CSMD1: variants seen among roughly 807,000 people sequenced by gnomAD.
CSMD1 encodes the protein CUB and Sushi multiple domains 1, also known as CUB and sushi domain-containing protein 1.
A neutral mutation model predicts 417.5 loss-of-function variants in CSMD1; 213 were observed. The observed-to-expected ratio is 0.51, with a 90% CI of 0.46 to 0.57. The LOEUF (loss-of-function observed/expected upper bound fraction) is 0.57, where lower values mean the gene tolerates loss of function less well. Among genes scored for constraint, CSMD1 ranks in the 20% least tolerant of loss-of-function variants. CSMD1 has a pLI of 0.00. For missense variants in CSMD1, 6,923 were observed against 4,529.7 expected (o/e 1.53, Z -15.17); for synonymous variants, 2,862 against 1,736.8 (o/e 1.65, Z -16.11).
intron 3 of CSMD1, among the ~76,000 whole-genome samples, chr8:4,312,994 G>A (rs746797403): frequency 2.0e-5 from 3 of 152,166 alleles, no homozygotes; most frequent in Non-Finnish European, 2.9e-5. Flanking sequence ...GCGGGGAAAT[G>A]AAGATGGGGA....
rs1023276073 is a variant in CSMD1 at position 4,080,870 on chromosome 8, C to G, written c.416-48771G>C. 5.3e-5 allele frequency among the ~76,000 whole-genome samples: 8 copies of G among 152,308 alleles called. No individual in the cohort carries two copies. In the South Asian group the frequency reaches 1.0e-3, roughly 20 times the overall value. ...ATTTCATGTTTGTTTACTTCCAAAACTCTTATTTAGACTTAGACCCAAGGT... is the reference window on the plus strand; with the variant it reads ...ATTTCATGTTTGTTTACTTCCAAAAGTCTTATTTAGACTTAGACCCAAGGT... On this transcript the variant is annotated intron_variant, in intron 3 of 69. Coordinates refer to ENST00000635120, the MANE Select transcript of CSMD1 (RefSeq NM_033225.6).
Position 3,661,249 on chromosome 8 carries a change from G to C in CSMD1, c.1010-44452C>G, listed in dbSNP as rs913926696. On this transcript the variant is annotated intron_variant, in intron 7 of 69. Transcript: ENST00000635120. ...GCATCTGTAACAAGAGCTCAGCCTT[G>C]GCCAGTCCCAGCAGCCATACTTCAA... 3.9e-5 allele frequency among the ~76,000 whole-genome samples: 6 copies of C among 152,226 alleles called. No individual in the cohort carries two copies. In the South Asian group the frequency reaches 1.0e-3, roughly 26 times the overall value.
At chr8:3,489,281 C>G (rs1001484109) in intron 11 of CSMD1, among the ~76,000 whole-genome samples, 8 of 152,282 alleles carry the variant, frequency 5.3e-5, no homozygotes, top group Admixed American at 2.0e-4. Flanking sequence ...ATTTGTTAAT[C>G]CACACATCTG....
At chr8:3,527,798 A>G (rs1797816591) in intron 10 of CSMD1, among the ~76,000 whole-genome samples, 1 of 152,216 alleles carries the variant, frequency 6.6e-6, no homozygotes, top group South Asian at 2.1e-4. Context: ...ATTTCAAAAT[A>G]AAGTTACAAA....
rs1331615629 is a variant in CSMD1 at position 4,312,699 on chromosome 8, A to C, written c.415+107254T>G. On this transcript the variant is annotated intron_variant, in intron 3 of 69. Transcript: ENST00000635120. ...TGAGACCAGCCTGGCCAACCTGACG[A>C]AACCCCATTTCTACTAACGAAAAAA... 4.1e-4 allele frequency among the ~76,000 whole-genome samples: 62 copies of C among 152,112 alleles called. 1 individual carries two copies. Among genetic ancestry groups the C allele is most frequent in the Non-Finnish European group, 1.2e-4 (8 of 68,016 alleles).
intron 10 of CSMD1, among the ~76,000 whole-genome samples, chr8:3,500,890 G>C (rs1012281362): frequency 2.0e-5 from 3 of 152,230 alleles, no homozygotes; most frequent in South Asian, 2.1e-4. Flanking sequence ...TGGATGAAGA[G>C]AAGTAAGAAT....
chr8:3,483,363 T>C (rs1052588260), intron 11 of CSMD1, among the ~76,000 whole-genome samples: 37 of 152,074 alleles, frequency 2.4e-4, no homozygotes, highest in African/African-American at 8.9e-4. Context: ...TAACTGTAAA[T>C]TCATAAATTC....
At chr8:3,404,573 C>A (rs1812235134) in intron 15 of CSMD1, among the ~76,000 whole-genome samples, 1 of 152,074 alleles carries the variant, frequency 6.6e-6, no homozygotes, top group African/African-American at 2.4e-5. Flanking sequence ...AAATTCTCAA[C>A]TGTTTATGAT....
At chr8:2,945,829 G>C (rs1361585699) in intron 68 of CSMD1, among the ~76,000 whole-genome samples, 1 of 152,182 alleles carries the variant, frequency 6.6e-6, no homozygotes, top group Non-Finnish European at 1.5e-5. Flanking sequence ...AAATCAAACA[G>C]TGTTTAGGTA....
chr8:3,676,216 A>T (rs896612715), intron 7 of CSMD1, among the ~76,000 whole-genome samples: 1 of 152,186 alleles, frequency 6.6e-6, no homozygotes, highest in African/African-American at 2.4e-5. Flanking sequence ...TTATGTGTTG[A>T]AGTAAATACT....
At chr8:4,272,715 G>C (rs1804683344) in intron 3 of CSMD1, among the ~76,000 whole-genome samples, 1 of 152,052 alleles carries the variant, frequency 6.6e-6, no homozygotes, top group Admixed American at 6.6e-5. Context: ...TTTTCATTCT[G>C]TAATTCTTGA....
chr8:4,287,572 G>A (rs1797128572), intron 3 of CSMD1, among the ~76,000 whole-genome samples: 1 of 151,970 alleles, frequency 6.6e-6, no homozygotes, highest in Non-Finnish European at 1.5e-5. Flanking sequence ...ACTAATGTCT[G>A]CAAGCTTTTA....
intron 2 of CSMD1, among the ~76,000 whole-genome samples, chr8:4,602,176 C>T (rs1449308535): frequency 1.3e-5 from 2 of 152,130 alleles, no homozygotes; most frequent in East Asian, 3.9e-4. Flanking sequence ...AAAATTAATT[C>T]CCTTATTTCA....
At chr8:4,501,954 G>A (rs1802281001) in intron 2 of CSMD1, among the ~76,000 whole-genome samples, 1 of 152,146 alleles carries the variant, frequency 6.6e-6, no homozygotes, top group African/African-American at 2.4e-5. Context: ...GGAGAGAACT[G>A]TATTTAGAGG....
chr8:3,068,150 C>G (rs1366471010), intron 49 of CSMD1, among the ~76,000 whole-genome samples: 1 of 152,144 alleles, frequency 6.6e-6, no homozygotes, highest in African/African-American at 2.4e-5. Flanking sequence ...GGTTCAAACA[C>G]TGTCTCAGGT....
chr8:3,678,349 G>C (rs1357665764), intron 7 of CSMD1, among the ~76,000 whole-genome samples: 6 of 152,214 alleles, frequency 3.9e-5, no homozygotes, highest in Non-Finnish European at 8.8e-5. Context: ...TAAAGGACCT[G>C]ATGGAGCTGA....
chr8:3,050,578 A>T (rs1165872406), intron 50 of CSMD1, among the ~76,000 whole-genome samples: 1 of 152,218 alleles, frequency 6.6e-6, no homozygotes, highest in Non-Finnish European at 1.5e-5. Context: ...CTCAAAAAAC[A>T]TACCAATGTA....
chr8:4,679,728 A>G (rs1056876446), intron 1 of CSMD1, among the ~76,000 whole-genome samples: 4 of 152,194 alleles, frequency 2.6e-5, no homozygotes, highest in Admixed American at 6.5e-5. Context: ...TTTGAAATTT[A>G]TTAGTTTCTG....
Position 3,186,411 on chromosome 8 carries a change from G to A in CSMD1, c.5620+1458C>T, listed in dbSNP as rs139327113. 4.1e-4 allele frequency among the ~76,000 whole-genome samples: 62 copies of A among 152,228 alleles called. 1 individual carries two copies. The highest frequency in any genetic ancestry group is 1.4e-3 in the African/African-American group (59 of 41,554). On this transcript the variant is annotated intron_variant, in intron 36 of 69. Coordinates refer to ENST00000635120, the MANE Select transcript of CSMD1 (RefSeq NM_033225.6). ...TCCTAAAAGTATAAATAGTACACAG[G>A]CAGACAAACATGGATTGTGAATGAC... is the stretch of plus-strand genomic sequence containing the variant.
Sources: gnomAD v4.1 joint callset for allele counts (sites outside exome capture counted in the v4.1 genomes callset) on GRCh38, gnomAD v4.1.1 for gene constraint, MANE v1.5 for transcripts, NCBI Gene and HGNC (gene_info 2026-07-23, HGNC 2026-07-21) for gene names.